The following NRG3 variants were observed in gnomAD, a reference collection of about 807,000 sequenced individuals.
NRG3 encodes the protein pro-neuregulin-3, membrane-bound isoform.
NRG3 carries 31 observed loss-of-function variants against 66.9 expected under a neutral mutation model. That is an observed-to-expected ratio of 0.46 (90% CI 0.35 to 0.63). The LOEUF (loss-of-function observed/expected upper bound fraction) is 0.63. Ranked by LOEUF, NRG3 falls within the 20% of genes least tolerant of loss-of-function variation. NRG3 has a pLI of 0.00. For synonymous variants in NRG3, 393 were observed against 359.4 expected (o/e 1.09, Z -1.06); for missense variants, 910 against 878.9 (o/e 1.04, Z -0.45).
At chr10:82,158,921 G>A (rs1173786169) in intron 1 of NRG3, among the ~76,000 whole-genome samples, 2 of 151,826 alleles carry the variant, frequency 1.3e-5, no homozygotes, top group Non-Finnish European at 2.9e-5. Context: ...TCAGATGAAG[G>A]TGTGAAAAAT....
intron 1 of NRG3, among the ~76,000 whole-genome samples, chr10:81,902,440 C>G (rs775465593): frequency 3.4e-4 from 51 of 152,158 alleles, no homozygotes; most frequent in Non-Finnish European, 6.0e-4. Flanking sequence ...GAGGGTGGAG[C>G]CTTCCTGATG....
chr10:82,116,127 C>T (rs2067697525), intron 1 of NRG3, among the ~76,000 whole-genome samples: 1 of 152,134 alleles, frequency 6.6e-6, no homozygotes, highest in African/African-American at 2.4e-5. Context: ...GGATTCTTTA[C>T]ATCCAGAAAT....
At chr10:82,510,609 A>G (rs1012580994) in intron 2 of NRG3, among the ~76,000 whole-genome samples, 4 of 152,228 alleles carry the variant, frequency 2.6e-5, no homozygotes, top group Admixed American at 1.3e-4. Flanking sequence ...CGGAAGGAAC[A>G]AGGGGCAGAA....
chr10:82,107,140 G>A (rs1208615340), intron 1 of NRG3, among the ~76,000 whole-genome samples: 1 of 152,104 alleles, frequency 6.6e-6, no homozygotes, highest in Non-Finnish European at 1.5e-5. Flanking sequence ...TCAGATTTTG[G>A]AATGCTTGCA....
intron 1 of NRG3, among the ~76,000 whole-genome samples, chr10:82,125,043 G>C (rs2068345050): frequency 6.6e-6 from 1 of 151,658 alleles, no homozygotes; most frequent in Non-Finnish European, 1.5e-5. Flanking sequence ...CCTTTTACTT[G>C]GTCTCACCCT....
intron 1 of NRG3, among the ~76,000 whole-genome samples, chr10:81,885,074 C>A (rs1301615823): frequency 2.0e-5 from 3 of 152,142 alleles, no homozygotes; most frequent in African/African-American, 7.2e-5. Flanking sequence ...AGCAACAGTT[C>A]CCTACCTCTA....
chr10:82,467,869 C>G (rs149727049), intron 2 of NRG3, among the ~76,000 whole-genome samples: 7 of 151,984 alleles, frequency 4.6e-5, no homozygotes, highest in African/African-American at 1.7e-4. Flanking sequence ...TTTAAGGAAA[C>G]GAGTAATATG....
chr10:82,239,121 A>G (rs2133975808), intron 1 of NRG3, among the ~76,000 whole-genome samples: 1 of 151,868 alleles, frequency 6.6e-6, no homozygotes, highest in South Asian at 2.1e-4. Flanking sequence ...TATTTATAAT[A>G]CGATCTATTA....
intron 3 of NRG3, among the ~76,000 whole-genome samples, chr10:82,761,451 A>G (rs2059300946): frequency 6.6e-6 from 1 of 152,134 alleles, no homozygotes; most frequent in African/African-American, 2.4e-5. Flanking sequence ...AAACTCTTCT[A>G]AAGAATCCTT....
At chr10:82,139,579 T>C (rs1410855421) in intron 1 of NRG3, among the ~76,000 whole-genome samples, 1 of 152,208 alleles carries the variant, frequency 6.6e-6, no homozygotes, top group African/African-American at 2.4e-5. Flanking sequence ...TTTTTTTCTT[T>C]TGGAAGCATC....
intron 2 of NRG3, among the ~76,000 whole-genome samples, chr10:82,513,970 G>A (rs1287059608): frequency 1.3e-5 from 2 of 151,964 alleles, no homozygotes; most frequent in African/African-American, 4.8e-5. Context: ...ATGTTTGTTG[G>A]CCGCATGTCT....
intron 2 of NRG3, among the ~76,000 whole-genome samples, chr10:82,710,376 G>A (rs760891173): frequency 6.6e-6 from 1 of 151,950 alleles, no homozygotes; most frequent in Non-Finnish European, 1.5e-5. Flanking sequence ...CTCTCAGGTC[G>A]GGAGTTCGAG....
intron 3 of NRG3, among the ~76,000 whole-genome samples, chr10:82,833,731 G>T (rs539238357): frequency 6.6e-6 from 1 of 152,144 alleles, no homozygotes; most frequent in Admixed American, 6.5e-5. Context: ...GAAGCACTAC[G>T]TGCCATGACA....
At chr10:82,332,546 T>G (rs2135287195) in intron 1 of NRG3, among the ~76,000 whole-genome samples, 1 of 152,270 alleles carries the variant, frequency 6.6e-6, no homozygotes, top group Non-Finnish European at 1.5e-5. Flanking sequence ...AACCTGTGCT[T>G]GCATACTTGT....
chr10:81,880,026 C>T (rs924079815), intron 1 of NRG3, among the ~76,000 whole-genome samples: 2 of 151,918 alleles, frequency 1.3e-5, no homozygotes, highest in Non-Finnish European at 2.9e-5. Flanking sequence ...CAATTGAGAG[C>T]TTTTTTTTAT....
At chr10:82,499,065 C>T (rs770837654) in intron 2 of NRG3, among the ~76,000 whole-genome samples, 2 of 152,050 alleles carry the variant, frequency 1.3e-5, no homozygotes, top group Non-Finnish European at 2.9e-5. Flanking sequence ...TGCCATTAGA[C>T]ACTGGTGGTT....
At chr10:82,198,870 A>G (rs769621659) in intron 1 of NRG3, among the ~76,000 whole-genome samples, 10 of 151,896 alleles carry the variant, frequency 6.6e-5, no homozygotes, top group Non-Finnish European at 1.2e-4. Flanking sequence ...GGTGGCACAC[A>G]TCTGTAATCC....
chr10:82,742,943 A>C (rs964666128), intron 3 of NRG3, among the ~76,000 whole-genome samples: 5 of 152,040 alleles, frequency 3.3e-5, no homozygotes, highest in Non-Finnish European at 7.4e-5. Context: ...CTGAGTTCCC[A>C]TCAAGATCCT....
At chr10:82,674,761 C>G (rs933410350) in intron 2 of NRG3, among the ~76,000 whole-genome samples, 86 of 151,956 alleles carry the variant, frequency 5.7e-4, no homozygotes, top group African/African-American at 2.0e-3. Flanking sequence ...TCCCCACCCC[C>G]ACCTGCCGTA....
Sources: gnomAD v4.1 joint callset for allele counts (sites outside exome capture counted in the v4.1 genomes callset) on GRCh38, gnomAD v4.1.1 for gene constraint, MANE v1.5 for transcripts, NCBI Gene and HGNC (gene_info 2026-07-23, HGNC 2026-07-21) for gene names.